The following LHFPL6 variants were observed in gnomAD, a reference collection of about 807,000 sequenced individuals.
LHFPL6 encodes the protein LHFPL tetraspan subfamily member 6, also known as LHFPL tetraspan subfamily member 6 protein.
A neutral mutation model predicts 20.6 loss-of-function variants in LHFPL6; 9 were observed. That is an observed-to-expected ratio of 0.44 (90% CI 0.26 to 0.76). The LOEUF (loss-of-function observed/expected upper bound fraction) is 0.76, where lower values mean the gene tolerates loss of function less well. Among genes scored for constraint, LHFPL6 ranks in the 30% least tolerant of loss-of-function variants. LHFPL6 has a pLI of 0.20. For synonymous variants in LHFPL6, 105 were observed against 98.7 expected (o/e 1.06, Z -0.38); for missense variants, 218 against 253.5 (o/e 0.86, Z 0.95).
chr13:39,516,109 C>T (rs916904253), intron 2 of LHFPL6, among the ~76,000 whole-genome samples: 1 of 152,192 alleles, frequency 6.6e-6, no homozygotes. Context: ...TTGTCTGATC[C>T]TTCTGGAATA....
chr13:39,459,883 A>G (rs1872650910), intron 2 of LHFPL6, among the ~76,000 whole-genome samples: 1 of 152,214 alleles, frequency 6.6e-6, no homozygotes. Flanking sequence ...ATGTGTAAGA[A>G]ATCACTAAAA....
At chr13:39,459,479 CT>C (rs1872643418) in intron 2 of LHFPL6, among the ~76,000 whole-genome samples, 1 of 152,026 alleles carries the variant, frequency 6.6e-6, no homozygotes, top group Admixed American at 6.6e-5. Context: ...TTCCACCCTG[CT>C]CAGGATCTGG....
At chr13:39,575,087 G>A (rs1019713183) in intron 2 of LHFPL6, among the ~76,000 whole-genome samples, 1 of 151,962 alleles carries the variant, frequency 6.6e-6, no homozygotes, top group African/African-American at 2.4e-5. Context: ...AAAAAATACA[G>A]GTGGGTCTAA....
chr13:39,452,405 G>A lies in LHFPL6; in HGVS notation c.386-73879C>T, dbSNP rs552348750. 1.3e-5 allele frequency among the ~76,000 whole-genome samples: 2 copies of A among 152,318 alleles called. 1 individual carries two copies. Among genetic ancestry groups the A allele is most frequent in the South Asian group, 4.1e-4 (2 of 4,820 alleles). On this transcript the variant is annotated intron_variant, in intron 2 of 3. Transcript: ENST00000379589. Reference sequence around the variant, plus strand: ...GTTTTGATACAAATCACCAAATTCAGAAATACAGACTTCAACTTAGAGAAG... The same window carrying A: ...GTTTTGATACAAATCACCAAATTCAAAAATACAGACTTCAACTTAGAGAAG...
At chr13:39,494,637 G>A (rs9603551) in intron 2 of LHFPL6, among the ~76,000 whole-genome samples, 1 of 151,942 alleles carries the variant, frequency 6.6e-6, no homozygotes, top group Admixed American at 6.6e-5. Context: ...TCCTAATCAT[G>A]TCAAAGTAAA....
At chr13:39,548,799 T>C (rs946194219) in intron 2 of LHFPL6, among the ~76,000 whole-genome samples, 4 of 152,048 alleles carry the variant, frequency 2.6e-5, no homozygotes, top group Non-Finnish European at 5.9e-5. Flanking sequence ...CACCTTGTTG[T>C]TCTAGAAAAT....
chr13:39,506,819 C>T (rs1471378238), intron 2 of LHFPL6, among the ~76,000 whole-genome samples: 2 of 152,134 alleles, frequency 1.3e-5, no homozygotes, highest in Non-Finnish European at 2.9e-5. Context: ...TTTCACTTGA[C>T]AGCACAAGAA....
chr13:39,388,062 G>C (rs1377486705), intron 2 of LHFPL6, among the ~76,000 whole-genome samples: 1 of 152,152 alleles, frequency 6.6e-6, no homozygotes, highest in African/African-American at 2.4e-5. Flanking sequence ...ATTATCAGAA[G>C]CTTAGCCAAG....
chr13:39,451,911 A>G (rs911428654), intron 2 of LHFPL6, among the ~76,000 whole-genome samples: 4 of 152,218 alleles, frequency 2.6e-5, no homozygotes, highest in South Asian at 2.1e-4. Flanking sequence ...GCAGAAGTGT[A>G]AAACTACAGG....
chr13:39,441,823 C>CTTTTTT (rs1168860757), intron 2 of LHFPL6, among the ~76,000 whole-genome samples: 11 of 110,052 alleles, frequency 1.0e-4, no homozygotes, highest in South Asian at 3.3e-4. Context: ...TGGGCTAAAA[C>CTTTTTT]TTTTTTTTTT....
chr13:39,482,660 C>T (rs1004800006), intron 2 of LHFPL6, among the ~76,000 whole-genome samples: 5 of 152,128 alleles, frequency 3.3e-5, no homozygotes, highest in African/African-American at 1.2e-4. Flanking sequence ...TTTGGCAAAA[C>T]TGAGGTCATA....
At chr13:39,440,084 G>GTCTC (rs910205045) in intron 2 of LHFPL6, among the ~76,000 whole-genome samples, 1 of 152,182 alleles carries the variant, frequency 6.6e-6, no homozygotes, top group African/African-American at 2.4e-5. Flanking sequence ...AGAGGAAGAA[G>GTCTC]TCTCATCATG....
chr13:39,565,353 G>A (rs1871677797), intron 2 of LHFPL6, among the ~76,000 whole-genome samples: 1 of 152,058 alleles, frequency 6.6e-6, no homozygotes, highest in Non-Finnish European at 1.5e-5. Flanking sequence ...TTCATTTTGT[G>A]TTCAAGTTTA....
At chr13:39,436,471 C>G (rs1555262394) in intron 2 of LHFPL6, among the ~76,000 whole-genome samples, 1 of 152,148 alleles carries the variant, frequency 6.6e-6, no homozygotes, top group Non-Finnish European at 1.5e-5. Flanking sequence ...ACATCTCTTC[C>G]TTTTTCATTG....
chr13:39,431,487 TG>T (rs1173122958), intron 2 of LHFPL6, among the ~76,000 whole-genome samples: 2 of 152,220 alleles, frequency 1.3e-5, no homozygotes, highest in African/African-American at 2.4e-5. Flanking sequence ...ACATACCTTT[TG>T]TCTGAATCCC....
At chr13:39,349,544 T>C (rs1049834365) in intron 3 of LHFPL6, among the ~76,000 whole-genome samples, 2 of 152,210 alleles carry the variant, frequency 1.3e-5, no homozygotes, top group African/African-American at 4.8e-5. Context: ...CTGGGAGCTT[T>C]GTTGGGAATA....
intron 3 of LHFPL6, among the ~76,000 whole-genome samples, chr13:39,351,035 T>C (rs1269686206): frequency 1.3e-5 from 2 of 152,232 alleles, no homozygotes; most frequent in African/African-American, 4.8e-5. Context: ...CTCTGCCTTT[T>C]CATTAATTTG....
intron 2 of LHFPL6, among the ~76,000 whole-genome samples, chr13:39,468,983 A>G (rs1047779007): frequency 4.6e-5 from 7 of 152,166 alleles, no homozygotes; most frequent in African/African-American, 1.7e-4. Context: ...CTAAGTTAGT[A>G]TGCCTCAGGC....
intron 2 of LHFPL6, among the ~76,000 whole-genome samples, chr13:39,454,521 T>C (rs1420562042): frequency 2.5e-5 from 2 of 81,468 alleles, no homozygotes; most frequent in Non-Finnish European, 4.3e-5. Context: ...CCCAGCTACT[T>C]GGGAGGCTGA....
Sources: gnomAD v4.1 joint callset for allele counts (sites outside exome capture counted in the v4.1 genomes callset) on GRCh38, gnomAD v4.1.1 for gene constraint, MANE v1.5 for transcripts, NCBI Gene and HGNC (gene_info 2026-07-23, HGNC 2026-07-21) for gene names.